The following AIG1 variants were observed in gnomAD, a reference collection of about 807,000 sequenced individuals.
The protein encoded by AIG1 is androgen-induced gene 1 protein.
In AIG1, 23 loss-of-function variants were observed where a neutral mutation model predicts 31.4. The observed-to-expected ratio is 0.73, with a 90% CI of 0.53 to 1.04. The LOEUF is 1.04. Ranked by LOEUF, AIG1 falls within the 50% of genes least tolerant of loss-of-function variation. The probability of loss-of-function intolerance (pLI) is 0.00; values close to 1 mark genes in which losing one functional copy is unlikely to be tolerated. For synonymous variants in AIG1, 100 were observed against 110.5 expected (o/e 0.90, Z 0.60); for missense variants, 274 against 295.0 (o/e 0.93, Z 0.52).
At chr6:143,184,395 G>A (rs572221039) in intron 3 of AIG1, among the ~76,000 whole-genome samples, 1 of 152,310 alleles carries the variant, frequency 6.6e-6, no homozygotes, top group African/African-American at 2.4e-5. Flanking sequence ...TCCTGATCCA[G>A]CTACCCCGTG....
chr6:143,202,100 C>T (rs1017962470), intron 3 of AIG1, among the ~76,000 whole-genome samples: 1 of 152,200 alleles, frequency 6.6e-6, no homozygotes, highest in African/African-American at 2.4e-5. Context: ...CTCTTACCAA[C>T]TCTCTTATAT....
chr6:143,097,631 C>T (rs1163468947), intron 1 of AIG1, among the ~76,000 whole-genome samples: 2 of 152,178 alleles, frequency 1.3e-5, no homozygotes, highest in Non-Finnish European at 2.9e-5. Flanking sequence ...TCGATTCTCA[C>T]AGTGCCTCTT....
At chr6:143,065,705 C>G (rs1776637065) in intron 1 of AIG1, among the ~76,000 whole-genome samples, 1 of 152,146 alleles carries the variant, frequency 6.6e-6, no homozygotes, top group East Asian at 1.9e-4. Flanking sequence ...CTTGTCCTGT[C>G]TCCTCCCAAA....
intron 1 of AIG1, among the ~76,000 whole-genome samples, chr6:143,117,217 G>A (rs1781814292): frequency 6.6e-6 from 1 of 152,116 alleles, no homozygotes; most frequent in Non-Finnish European, 1.5e-5. Flanking sequence ...TGTATGGGGT[G>A]CAGTTAGGGG....
intron 3 of AIG1, among the ~76,000 whole-genome samples, chr6:143,264,167 A>G (rs913238385): frequency 1.3e-5 from 2 of 152,174 alleles, no homozygotes; most frequent in Admixed American, 1.3e-4. Flanking sequence ...ATGAGCGCGT[A>G]TATGCTTGGG....
At chr6:143,075,762 A>G (rs1428571652) in intron 1 of AIG1, among the ~76,000 whole-genome samples, 3 of 152,202 alleles carry the variant, frequency 2.0e-5, no homozygotes, top group Non-Finnish European at 2.9e-5. Flanking sequence ...ATTTTACCCT[A>G]GGCACCACTT....
chr6:143,202,536 A>G (rs1279198985), intron 3 of AIG1, among the ~76,000 whole-genome samples: 1 of 152,238 alleles, frequency 6.6e-6, no homozygotes, highest in East Asian at 1.9e-4. Flanking sequence ...CTAAAGCCTG[A>G]CAATTCTCAC....
chr6:143,287,768 A>G (rs1353165247), intron 4 of AIG1, among the ~76,000 whole-genome samples: 2 of 144,960 alleles, frequency 1.4e-5, no homozygotes, highest in South Asian at 2.2e-4. Flanking sequence ...AAAAAAATCT[A>G]TATTTGCTAT....
In AIG1 at chr6:143,279,895, AG is replaced by A. The variant is rs1007065723; in HGVS notation, c.400-4213del. Among the ~76,000 whole-genome samples the A allele has an allele frequency of 2.6e-5, 4 of 152,328 alleles. No individual in the cohort carries two copies. Among genetic ancestry groups the A allele is most frequent in the African/African-American group, 9.6e-5 (4 of 41,586 alleles). ...GGATGGACTTTATATGGAAGACCAA[AG>A]GTTTACTCCTTGGGCTGTCAACCTT... is the stretch of plus-strand genomic sequence containing the variant. On this transcript the variant is annotated intron_variant, in intron 3 of 5. Transcript: ENST00000357847. The surrounding 1 kb of genome is among the most constrained non-coding windows in gnomAD (Gnocchi z 5.4).
intron 1 of AIG1, among the ~76,000 whole-genome samples, chr6:143,105,097 T>C (rs1202857228): frequency 6.6e-6 from 1 of 151,976 alleles, no homozygotes; most frequent in Non-Finnish European, 1.5e-5. Context: ...AAATTTTGAA[T>C]AAAAATAAGG....
At chr6:143,061,160 A>G (rs1050578912) in intron 1 of AIG1, 94 bp downstream of exon 1, 30 of 1,470,602 alleles carry the variant, frequency 2.0e-5, no homozygotes, top group Non-Finnish European at 2.8e-6. Context: ...ATGCGCGAGC[A>G]CCTGCGCACG....
intron 1 of AIG1, among the ~76,000 whole-genome samples, chr6:143,120,151 C>G (rs1782120543): frequency 1.3e-5 from 2 of 152,134 alleles, no homozygotes; most frequent in Admixed American, 1.3e-4. Context: ...TCAGGCTGAT[C>G]TCGAACTCCC....
intron 3 of AIG1, among the ~76,000 whole-genome samples, chr6:143,177,005 C>A (rs1788231236): frequency 6.6e-6 from 1 of 152,144 alleles, no homozygotes. Context: ...CATTTTTTCC[C>A]CCGCATTCTC....
intron 1 of AIG1, among the ~76,000 whole-genome samples, chr6:143,135,664 AT>A (rs909265647): frequency 6.6e-6 from 1 of 152,122 alleles, no homozygotes; most frequent in Non-Finnish European, 1.5e-5. Context: ...TAGGTTAACA[AT>A]TTCTGTGTTC....
intron 2 of AIG1, among the ~76,000 whole-genome samples, chr6:143,149,356 C>G (rs1784978487): frequency 6.6e-6 from 1 of 151,626 alleles, no homozygotes; most frequent in Non-Finnish European, 1.5e-5. Flanking sequence ...GAAACCCCGT[C>G]CCTACTAAAA....
chr6:143,069,255 G>A (rs887433621), intron 1 of AIG1, among the ~76,000 whole-genome samples: 3 of 152,126 alleles, frequency 2.0e-5, no homozygotes, highest in Non-Finnish European at 4.4e-5. Context: ...GGGCTCAAGC[G>A]ATCCACCTGC....
chr6:143,260,385 T>A (rs902786564), intron 3 of AIG1, among the ~76,000 whole-genome samples: 5 of 152,202 alleles, frequency 3.3e-5, no homozygotes, highest in African/African-American at 1.2e-4. Context: ...GTATATATTG[T>A]TGTGTTTGGT....
rs74513734 is a variant in AIG1, at chr6:143,329,054, A to T, written c.516-4228A>T. Among the ~76,000 whole-genome samples the T allele has an allele frequency of 0.013, 1,922 of 152,350 alleles. 26 individuals carry two copies. The highest frequency in any genetic ancestry group is 0.02 in the Non-Finnish European group (1,340 of 68,030). Reference sequence around the variant, plus strand: ...TAAAAATCAAGGAAACAAATGGTGAAAGCACAACTTGTTAAGACAAGTGGA... The same window carrying T: ...TAAAAATCAAGGAAACAAATGGTGATAGCACAACTTGTTAAGACAAGTGGA... On this transcript the variant is annotated intron_variant, in intron 4 of 5. Coordinates refer to ENST00000357847, the MANE Select transcript of AIG1 (RefSeq NM_016108.4). This position sits in a 1 kb window ranked among gnomAD's most constrained non-coding sequence, Gnocchi z 4.9.
At chr6:143,214,581 C>T (rs1452975125) in intron 3 of AIG1, among the ~76,000 whole-genome samples, 1 of 152,164 alleles carries the variant, frequency 6.6e-6, no homozygotes, top group Non-Finnish European at 1.5e-5. Flanking sequence ...CCTGCCTTCC[C>T]ATGCCATCCA....
Sources: allele counts gnomAD v4.1 joint callset (sites outside exome capture counted in the v4.1 genomes callset), GRCh38; gene constraint gnomAD v4.1.1; non-coding constraint Gnocchi (gnomAD v3.1); transcripts MANE v1.5; gene names NCBI Gene and HGNC (gene_info 2026-07-23, HGNC 2026-07-21).